The following MYO9B variants were observed in gnomAD, a reference collection of about 807,000 sequenced individuals.
MYO9B encodes the protein unconventional myosin-IXb.
MYO9B carries 71 observed loss-of-function variants against 229.5 expected under a neutral mutation model. The ratio of observed to expected loss-of-function variants is 0.31; its 90% CI spans 0.26 to 0.38. The LOEUF (loss-of-function observed/expected upper bound fraction) is 0.38. Among genes scored for constraint, MYO9B ranks in the 10% least tolerant of loss-of-function variants. The probability of loss-of-function intolerance (pLI) is 1.00; values close to 1 mark genes in which losing one functional copy is unlikely to be tolerated. For missense variants in MYO9B, 2,255 were observed against 2,920.5 expected (o/e 0.77, Z 5.25); for synonymous variants, 1,185 against 1,235.8 (o/e 0.96, Z 0.86).
At chr19:17,183,709 C>G in intron 15 of MYO9B, 120 bp from the exon 16 acceptor site, 1 of 814,824 alleles carries the variant, frequency 1.2e-6, no homozygotes, top group Non-Finnish European at 1.9e-6. Flanking sequence ...TGCGCCTTCT[C>G]ACTCTCTCCC....
chr19:17,122,477 T>A (rs2145131758), intron 2 of MYO9B, among the ~76,000 whole-genome samples: 1 of 151,626 alleles, frequency 6.6e-6, no homozygotes, highest in South Asian at 2.1e-4. Context: ...AGATTGCACC[T>A]CTGCACTCCA....
chr19:17,197,455 G>GATAGACAGATAC (rs2073058457), intron 22 of MYO9B, among the ~76,000 whole-genome samples: 1 of 148,032 alleles, frequency 6.8e-6, no homozygotes, highest in African/African-American at 2.5e-5. Context: ...TAGATACATA[G>GATAGACAGATAC]ATAGATAGAT....
At chr19:17,132,531 T>A (rs56172702) in intron 2 of MYO9B, among the ~76,000 whole-genome samples, 21,102 of 89,222 alleles carry the variant, frequency 0.24, 1,626 homozygotes, top group Admixed American at 0.29. Flanking sequence ...TATTATTTTT[T>A]TTTTTTTTTT....
intron 15 of MYO9B, 51 bp from the exon 16 acceptor site, chr19:17,183,778 C>G (rs2072887066): frequency 6.7e-7 from 1 of 1,495,652 alleles, no homozygotes; most frequent in South Asian, 1.3e-5. Context: ...TAACCCAAAT[C>G]CCGACACTGT....
chr19:17,173,436 C>T (rs946596659), intron 13 of MYO9B, among the ~76,000 whole-genome samples: 3 of 151,884 alleles, frequency 2.0e-5, no homozygotes, highest in Non-Finnish European at 2.9e-5. Flanking sequence ...TCCCAAGTAG[C>T]TGGGACTACA....
At chr19:17,192,376 C>G (rs1231278232) in intron 20 of MYO9B, among the ~76,000 whole-genome samples, 1 of 151,344 alleles carries the variant, frequency 6.6e-6, no homozygotes. Flanking sequence ...GGGCAGATCA[C>G]TTGAGGTTGG....
chr19:17,102,669 G>T, intron 2 of MYO9B, 112 bp downstream of exon 2: 1 of 1,400,064 alleles, frequency 7.1e-7, no homozygotes, highest in Non-Finnish European at 9.4e-7. Context: ...GGAAGGCTGA[G>T]GGAGGAGGAT....
chr19:17,200,422 G>A lies in MYO9B; in HGVS notation c.4368G>A (p.Leu1456=), dbSNP rs1450072109. 7.0e-6 allele frequency: 11 copies of A among 1,575,582 alleles called. No individual in the cohort carries two copies. Among genetic ancestry groups the A allele is most frequent in the African/African-American group, 6.8e-5 (5 of 74,050 alleles). The part of the protein sequence containing the change: ...VLEATTMKKG[L]EAPSGQQHRH... ...AAGCCACCACCATGAAGAAGGGCCT[G>A]GAAGGTTGGTAGCCTGCAGCCTCAG... Residue 1456 remains leucine, a synonymous_variant, in exon 25 of 40, where the codon CTG becomes CTA. Transcript: ENST00000682292.
Position 17,162,457 on chromosome 19 carries a change from G to T in MYO9B, c.1527G>T (p.Glu509Asp). 1.3e-6 allele frequency: 2 copies of T among 1,564,176 alleles called. No homozygotes were observed. The highest frequency in any genetic ancestry group is 1.7e-6 in the Non-Finnish European group (2 of 1,155,776). ...TCCTCAACAAGAAGGACGTGGAAGA[G>T]GCAGTCTCGGTGAGTGCCCCCATTT... ...HALLNKKDVE[E>D]AVSCLSIGVL... The change falls in exon 9 of 40, where the codon GAG becomes GAT. Residue 509 changes from glutamate to aspartate, a missense_variant. Physicochemically the swap from Glu to Asp is conservative, Grantham distance 45. Transcript: ENST00000682292.
chr19:17,174,179 G>T (rs551890546), intron 13 of MYO9B, among the ~76,000 whole-genome samples: 1 of 151,748 alleles, frequency 6.6e-6, no homozygotes, highest in East Asian at 2.0e-4. Context: ...ACAGGCACCC[G>T]CCACCACGCC....
rs59440394 is a variant in MYO9B, at chr19:17,090,118, C to CTTTTTTTTTT, written c.-58-11508_-58-11499dup. 7.5e-4 allele frequency among the ~76,000 whole-genome samples: 37 copies of CTTTTTTTTTT among 49,236 alleles called. 10 individuals carry two copies. The highest frequency in any genetic ancestry group is 1.1e-3 in the Non-Finnish European group (29 of 26,926). 32.3% of individuals were successfully genotyped at this position (49,236 alleles called of 152,430 possible). On this transcript the variant is annotated intron_variant, in intron 1 of 39. Coordinates refer to ENST00000682292, the MANE Select transcript of MYO9B (RefSeq NM_004145.4). ...TATAGCATGAATCGGTGCTTCCTTC[C>CTTTTTTTTTT]TTTTTTTTTTTTTTTTTTTTTTTTT...
chr19:17,113,226 C>T (rs967786521), intron 2 of MYO9B, among the ~76,000 whole-genome samples: 1 of 152,060 alleles, frequency 6.6e-6, no homozygotes, highest in Non-Finnish European at 1.5e-5. Flanking sequence ...GAAGGTGGGG[C>T]GTCAGTGGGC....
At chr19:17,188,702 A>AT (rs1331082143) in intron 19 of MYO9B, among the ~76,000 whole-genome samples, 1 of 152,134 alleles carries the variant, frequency 6.6e-6, no homozygotes, top group African/African-American at 2.4e-5. Context: ...AAATATTTGA[A>AT]ATAATAATTT....
At position 17,077,432 on chromosome 19, in the gene MYO9B, C is replaced by T. The variant is rs140122273; in HGVS notation, c.-59+1558C>T. ...TGGCTTGCCCCAGGACATGCAGTGA[C>T]AGCCCACAGTCATGCCTCCTGCAAA... On this transcript the variant is annotated intron_variant, in intron 1 of 39. Transcript: ENST00000682292. Among the ~76,000 whole-genome samples the T allele has an allele frequency of 5.6e-3, 852 of 152,326 alleles. 9 individuals carry two copies. The highest frequency in any genetic ancestry group is 0.023 in the Admixed American group (345 of 15,296).
At position 17,202,204 on chromosome 19, in the gene MYO9B, G is replaced by A; in HGVS notation, c.4737G>A (p.Glu1579=). 2.5e-6 allele frequency: 4 copies of A among 1,613,002 alleles called. No homozygotes were observed. The highest frequency in any genetic ancestry group is 2.2e-5 in the South Asian group (2 of 90,950). The change falls in exon 28 of 40, where the codon GAG becomes GAA. Residue 1579 remains glutamate (E), a synonymous_variant. Coordinates refer to ENST00000682292, the MANE Select transcript of MYO9B (RefSeq NM_004145.4). ...TCGTCGTCAGCAACCTGGCCACTGA[G>A]CGTGGCCAGAAGGACACCAACCTGG... ...YQIVVSNLAT[E]RGQKDTNLVL...
intron 3 of MYO9B, among the ~76,000 whole-genome samples, chr19:17,146,946 C>A (rs1395677426): frequency 3.3e-5 from 5 of 152,244 alleles, no homozygotes; most frequent in Non-Finnish European, 7.3e-5. Context: ...ATTCAAGATA[C>A]AAACAGGCAT....
At chr19:17,159,646 C>T in intron 8 of MYO9B, among the ~76,000 whole-genome samples, 162 bp downstream of exon 8, 1 of 152,232 alleles carries the variant, frequency 6.6e-6, no homozygotes, top group East Asian at 1.9e-4. Context: ...TGGCACAAGC[C>T]AGCCTGGGAG....
intron 13 of MYO9B, among the ~76,000 whole-genome samples, chr19:17,174,824 C>T (rs1197564125): frequency 6.7e-6 from 1 of 148,882 alleles, no homozygotes; most frequent in Non-Finnish European, 1.5e-5. Context: ...GTCCCAGCTA[C>T]TCAGGAGGCC....
intron 7 of MYO9B, 105 bp downstream of exon 7, chr19:17,157,143 C>T: frequency 2.2e-6 from 3 of 1,376,652 alleles, no homozygotes; most frequent in Non-Finnish European, 2.9e-6. Context: ...GCTGAGGTTT[C>T]ATCAACCAGG....
Sources: allele counts gnomAD v4.1 joint callset (sites outside exome capture counted in the v4.1 genomes callset), GRCh38; gene constraint gnomAD v4.1.1; transcripts MANE v1.5; gene names NCBI Gene and HGNC (gene_info 2026-07-23, HGNC 2026-07-21).